The following DOC2B variants were observed in gnomAD, a reference collection of about 807,000 sequenced individuals.
The protein encoded by DOC2B is double C2-like domain-containing protein beta.
A neutral mutation model predicts 28.9 loss-of-function variants in DOC2B; 21 were observed. The ratio of observed to expected loss-of-function variants is 0.73; its 90% confidence interval spans 0.52 to 1.05. The LOEUF (loss-of-function observed/expected upper bound fraction) is 1.05, where lower values mean the gene tolerates loss of function less well. Among genes scored for constraint, DOC2B ranks in the 50% least tolerant of loss-of-function variants. DOC2B has a pLI of 0.00. For synonymous variants in DOC2B, 194 were observed against 178.1 expected, an observed-to-expected ratio of 1.09 and a Z score of -0.71; for missense variants, 384 against 421.1, an observed-to-expected ratio of 0.91 and a Z score of 0.77.
At chr17:175,096 G>A (rs1363981206) in intron 1 of DOC2B, among the ~76,000 whole-genome samples, 3 of 152,176 alleles carry the variant, frequency 2.0e-5, no homozygotes, top group Admixed American at 6.5e-5. Context: ...AAAATAGCCG[G>A]GCATGGTGGC....
intron 3 of DOC2B, chr17:163,571 TTC>T (rs1423716517): frequency 1.3e-5 from 2 of 152,464 alleles, no homozygotes; most frequent in Non-Finnish European, 2.9e-5. Flanking sequence ...ACAGCAATTT[TTC>T]TCTCTCCTGT....
intron 2 of DOC2B, among the ~76,000 whole-genome samples, chr17:170,234 C>T (rs529783861): frequency 7.2e-5 from 11 of 152,300 alleles, no homozygotes; most frequent in Middle Eastern, 3.4e-3. Flanking sequence ...CTGGAGCCCC[C>T]GCCAGGCAGG....
rs536919389 is a variant in DOC2B, at chr17:172,960, C to T, written c.374-344G>A. 1.0e-3 allele frequency among the ~76,000 whole-genome samples: 154 copies of T among 152,344 alleles called. 1 individual carries two copies. The highest frequency in any genetic ancestry group is 1.6e-3 in the Non-Finnish European group (106 of 68,040). ...CTGGTGCAACTGCCAGTCTGGGCCCCGTGCCTCAGTTTCCCTCACCTGTGA... is the reference window on the plus strand; with the variant it reads ...CTGGTGCAACTGCCAGTCTGGGCCCTGTGCCTCAGTTTCCCTCACCTGTGA... On this transcript the variant is annotated intron_variant, in intron 1 of 8. Coordinates refer to ENST00000613549, the MANE Select transcript of DOC2B (RefSeq NM_003585.5).
intron 2 of DOC2B, among the ~76,000 whole-genome samples, chr17:165,341 G>A (rs767234777): frequency 4.6e-5 from 7 of 152,082 alleles, no homozygotes; most frequent in Non-Finnish European, 7.4e-5. Flanking sequence ...AATTAGCTGG[G>A]TGGGGTGGCA....
chr17:179,050 GC>G lies in DOC2B; in HGVS notation c.373+2056del, dbSNP rs1332527828. On this transcript the variant is annotated intron_variant, in intron 1 of 8. Coordinates refer to ENST00000613549, the MANE Select transcript of DOC2B (RefSeq NM_003585.5). ...CCATAGGATCCAAGCCTAGGGTGGG[GC>G]CCCCCTCGAAGGGGGCGACAGGGGC... Among the ~76,000 whole-genome samples, 12 of 152,342 alleles carry G rather than the reference GC, an allele frequency of 7.9e-5. No individual in the cohort carries two copies. The East Asian group carries it at 2.1e-3, about 27-fold the overall frequency.
chr17:155,284 C>T (rs987510995), intron 6 of DOC2B, among the ~76,000 whole-genome samples: 15 of 152,184 alleles, frequency 9.9e-5, no homozygotes, highest in African/African-American at 3.4e-4. Context: ...TAACTCACTG[C>T]ACCTGCCACA....
At chr17:148,825 C>T (rs1458935805) in intron 7 of DOC2B, among the ~76,000 whole-genome samples, 1 of 152,164 alleles carries the variant, frequency 6.6e-6, no homozygotes, top group East Asian at 1.9e-4. Flanking sequence ...TTGCCCCACA[C>T]AGAGTTTCTC....
At chr17:156,718 T>C (rs1192201680) in intron 5 of DOC2B, among the ~76,000 whole-genome samples, 1 of 152,180 alleles carries the variant, frequency 6.6e-6, no homozygotes, top group African/African-American at 2.4e-5. Context: ...GAGCTAAGCA[T>C]GGCTCTTACC....
intron 1 of DOC2B, among the ~76,000 whole-genome samples, chr17:173,418 C>T (rs1350001975): frequency 2.0e-5 from 3 of 152,202 alleles, no homozygotes; most frequent in Non-Finnish European, 2.9e-5. Context: ...CAGCAAGATG[C>T]ACATTCACAG....
At chr17:179,510 C>T (rs543538161) in intron 1 of DOC2B, among the ~76,000 whole-genome samples, 1 of 152,222 alleles carries the variant, frequency 6.6e-6, no homozygotes, top group Non-Finnish European at 1.5e-5. Context: ...CTTGGTGCAG[C>T]AGCAGAGATG....
chr17:164,167 G>GGGTCTGCCAGCCCATTGT lies in DOC2B; in HGVS notation c.473_490dup (p.His158_Asp163dup). 1 of 1,554,268 alleles carries GGGTCTGCCAGCCCATTGT rather than the reference G, an allele frequency of 6.4e-7. No homozygotes were observed. Among genetic ancestry groups the GGGTCTGCCAGCCCATTGT allele is most frequent in the Non-Finnish European group, 8.7e-7 (1 of 1,148,246 alleles). On this transcript the variant is annotated inframe_insertion, in exon 3 of 9. Coordinates refer to ENST00000613549, the MANE Select transcript of DOC2B (RefSeq NM_003585.5). ...TGGCAGCAGGTGCAGCTTGACGTAGGGGTCTGCCAGCCCATTGTGGTCCAT... is the reference window on the plus strand; with the variant it reads ...TGGCAGCAGGTGCAGCTTGACGTAGGGGTCTGCCAGCCCATTGTGGTCTGCCAGCCCATTGTGGTCCAT...
intron 5 of DOC2B, among the ~76,000 whole-genome samples, chr17:159,058 C>A (rs1052457544): frequency 1.4e-3 from 167 of 120,224 alleles, no homozygotes; most frequent in East Asian, 6.2e-3. Flanking sequence ...AAAAAAAAAA[C>A]AACCAACCAG....
In DOC2B at chr17:181,055, GC is replaced by G; in HGVS notation, c.373+51del. 1 of 1,215,514 alleles carries G rather than the reference GC, an allele frequency of 8.2e-7. No individual in the cohort carries two copies. The highest frequency in any genetic ancestry group is 3.6e-5 in the South Asian group (1 of 27,528). The allele number at this position is 1,215,514 out of a possible 1,614,324, so 75.3% of individuals were successfully genotyped here. On this transcript the variant is annotated intron_variant, in intron 1 of 8. Coordinates refer to ENST00000613549, the MANE Select transcript of DOC2B (RefSeq NM_003585.5). This position sits in a 1 kb window ranked among gnomAD's most constrained non-coding sequence, Gnocchi z 7.0. ...AGGGAAGCCGCGAGGCCGTGGGGGG[GC>G]CGAGCCCGAGCCAGGGGAGGGGGCG...
At chr17:151,477 G>A (rs1195361218) in intron 6 of DOC2B, among the ~76,000 whole-genome samples, 6 of 152,140 alleles carry the variant, frequency 3.9e-5, no homozygotes, top group Non-Finnish European at 7.3e-5. Flanking sequence ...CCCTTTGAGC[G>A]TCATGTCGGT....
intron 1 of DOC2B, among the ~76,000 whole-genome samples, chr17:175,759 C>G (rs62055006): frequency 8.5e-5 from 13 of 152,198 alleles, no homozygotes; most frequent in African/African-American, 2.7e-4. Flanking sequence ...GAAGACAGAG[C>G]GGCTGCCTGC....
chr17:172,866 C>T (rs2040328281), intron 1 of DOC2B, among the ~76,000 whole-genome samples: 1 of 152,234 alleles, frequency 6.6e-6, no homozygotes, highest in African/African-American at 2.4e-5. Context: ...TGGGTCACTC[C>T]AGTTCCCTGT....
chr17:181,205 G>C lies in DOC2B; in HGVS notation c.275C>G (p.Ser92Cys), dbSNP rs868700467. ...GGGACCCGGGCTGGGGCCCGGGCTG[G>C]AGCCGTAGGCTCCGAAGAGCTGGTC... ...DVDQLFGAYGSSPGPSPGPSP... is the reference protein window; with the variant it reads ...DVDQLFGAYGCSPGPSPGPSP... Residue 92 changes from serine to cysteine, a missense_variant, in exon 1 of 9, where the codon TCC becomes TGC. Coordinates refer to ENST00000613549, the MANE Select transcript of DOC2B (RefSeq NM_003585.5). This position sits in a 1 kb window ranked among gnomAD's most constrained non-coding sequence, Gnocchi z 7.0. 1.6e-6 allele frequency: 2 copies of C among 1,230,190 alleles called. No homozygotes were observed. Among genetic ancestry groups the C allele is most frequent in the African/African-American group, 3.1e-5 (2 of 63,772 alleles). The allele number at this position is 1,230,190 out of a possible 1,614,324, so 76.2% of individuals were successfully genotyped here.
intron 1 of DOC2B, among the ~76,000 whole-genome samples, chr17:178,567 G>A (rs2040395391): frequency 6.6e-6 from 1 of 152,220 alleles, no homozygotes; most frequent in Non-Finnish European, 1.5e-5. Flanking sequence ...AACTGGCAGG[G>A]CCGACACTGG....
At chr17:173,687 A>G (rs1383212717) in intron 1 of DOC2B, among the ~76,000 whole-genome samples, 1 of 152,078 alleles carries the variant, frequency 6.6e-6, no homozygotes, top group Admixed American at 6.6e-5. Context: ...TTCCTGGAGG[A>G]GGTGATGCTT....
Sources: allele counts gnomAD v4.1 joint callset (sites outside exome capture counted in the v4.1 genomes callset), GRCh38; gene constraint gnomAD v4.1.1; non-coding constraint Gnocchi (gnomAD v3.1); transcripts MANE v1.5; gene names NCBI Gene and HGNC (gene_info 2026-07-23, HGNC 2026-07-21).